Variants in IL1A observed in about 807,000 individuals in gnomAD.
IL1A encodes interleukin 1 alpha, also known as interleukin-1 alpha.
Under a neutral mutation model 22.2 loss-of-function variants are expected in IL1A, and 16 were observed. The ratio of observed to expected loss-of-function variants is 0.72; its 90% CI spans 0.49 to 1.09. The LOEUF is 1.09. Among genes scored for constraint, IL1A ranks in the 50% least tolerant of loss-of-function variants. The pLI is 0.00. For synonymous variants in IL1A, 113 were observed against 118.5 expected (o/e 0.95, Z 0.30); for missense variants, 317 against 321.8 (o/e 0.99, Z 0.11).
intron 5 of IL1A, among the ~76,000 whole-genome samples, chr2:112,778,549 T>C (rs1339627226): frequency 6.6e-6 from 1 of 152,204 alleles, no homozygotes. Context: ...ACTTACAGAA[T>C]AATGTTTAAT....
chr2:112,774,942 A>G lies in IL1A; in HGVS notation c.*125T>C. 4 of 693,568 alleles carry G rather than the reference A, an allele frequency of 5.8e-6. No individual in the cohort carries two copies. Among genetic ancestry groups the G allele is most frequent in the Non-Finnish European group, 1.0e-5 (4 of 401,766 alleles). The allele number at this position is 693,568 out of a possible 1,614,324, so 43.0% of individuals were successfully genotyped here. Reference sequence around the variant, plus strand: ...ACTCTTACAAAGAGTGTAAACATTCATTTAGAATTACAAGGCTCAGTACAT... The same window carrying G: ...ACTCTTACAAAGAGTGTAAACATTCGTTTAGAATTACAAGGCTCAGTACAT... On this transcript the variant is annotated 3_prime_UTR_variant, in exon 7 of 7. Transcript: ENST00000263339.
At chr2:112,776,210 A>G (rs1445444128) in intron 6 of IL1A, among the ~76,000 whole-genome samples, 4 of 152,192 alleles carry the variant, frequency 2.6e-5, no homozygotes. Flanking sequence ...TTTAGGAAAT[A>G]TAAGTGAGGT....
chr2:112,774,798 A>G lies in IL1A; in HGVS notation c.*269T>C, dbSNP rs1446065274. 4 of 314,656 alleles carry G rather than the reference A, an allele frequency of 1.3e-5. No individual in the cohort carries two copies. The highest frequency in any genetic ancestry group is 1.2e-4 in the East Asian group (2 of 17,264). 19.5% of individuals were successfully genotyped at this position (314,656 alleles called of 1,614,324 possible). A position where few individuals can be genotyped will look rare whatever the true frequency, so the allele number is the denominator to read the frequency against. The stretch of plus-strand genomic sequence containing the variant: ...TATGGGTAGAGTCTTTTTGGTAGCC[A>G]TAGTCAGTAGCTCTGGTCCTCCTAA... On this transcript the variant is annotated 3_prime_UTR_variant, in exon 7 of 7. Coordinates refer to ENST00000263339, the MANE Select transcript of IL1A (RefSeq NM_000575.5).
intron 2 of IL1A, 34 bp downstream of exon 2, chr2:112,783,690 C>A (rs773528399): frequency 6.3e-7 from 1 of 1,582,516 alleles, no homozygotes; most frequent in South Asian, 1.1e-5. Context: ...TTGAAACCCT[C>A]ATTAAATCAC....
At chr2:112,782,031 G>C (rs563489307) in intron 3 of IL1A, among the ~76,000 whole-genome samples, 8 of 152,072 alleles carry the variant, frequency 5.3e-5, no homozygotes, top group South Asian at 2.1e-4. Context: ...ATTTTTTTAG[G>C]AAGACTTTTT....
chr2:112,775,051 A>G lies in IL1A; in HGVS notation c.*16T>C, dbSNP rs769924142. On this transcript the variant is annotated 3_prime_UTR_variant, in exon 7 of 7. Coordinates refer to ENST00000263339, the MANE Select transcript of IL1A (RefSeq NM_000575.5). Reference sequence around the variant, plus strand: ...ACTGTCAACACTGCACAAGTGAGACAAGTGAGACTCCAGACCTACGCCTGG... The same window carrying G: ...ACTGTCAACACTGCACAAGTGAGACGAGTGAGACTCCAGACCTACGCCTGG... The G allele has an allele frequency of 3.1e-6, 5 of 1,605,512 alleles. No homozygotes were observed. In the South Asian group the frequency reaches 5.5e-5, roughly 18 times the overall value.
chr2:112,778,068 A>T lies in IL1A; in HGVS notation c.534T>A (p.Ala178=), dbSNP rs375126259. 9 of 1,613,906 alleles carry T rather than the reference A, an allele frequency of 5.6e-6. No individual in the cohort carries two copies. The African/African-American group carries it at 1.2e-4, about 22-fold the overall frequency. ...MGAYKSSKDD[A]KITVILRISK... ...AGATTCTTAGAATCACGGTAATTTT[A>T]GCATCATCCTTTGATGACTTATAAG... Residue 178 remains alanine (A), a synonymous_variant, in exon 6 of 7, where the codon GCT becomes GCA. Transcript: ENST00000263339.
At chr2:112,782,600 C>T (rs1894399) in intron 3 of IL1A, 116 bp downstream of exon 3, 214,754 of 727,972 alleles carry the variant, frequency 0.3, 32,878 homozygotes, top group African/African-American at 0.39. Flanking sequence ...GGTCTCTGGA[C>T]CTCTAGTGAG....
chr2:112,781,694 T>G lies in IL1A; in HGVS notation c.229A>C (p.Asn77His). Residue 77 changes from asparagine (N) to histidine (H), a missense_variant, in exon 4 of 7, where the codon AAC becomes CAC. Transcript: ENST00000263339. ...CGTCTCTTCTTCAGAACCTTCCCGT[T>G]GGTTGCTACTACCACCATGCTCTCC... ...FKESMVVVATNGKVLKKRRLS... is the reference protein window; with the variant it reads ...FKESMVVVATHGKVLKKRRLS... 1 of 1,614,242 alleles carries G rather than the reference T, an allele frequency of 6.2e-7. No individual in the cohort carries two copies.
intron 5 of IL1A, among the ~76,000 whole-genome samples, 159 bp downstream of exon 5, chr2:112,779,336 AT>A (rs1018333894): frequency 3.3e-5 from 5 of 151,738 alleles, no homozygotes; most frequent in Non-Finnish European, 7.4e-5. Context: ...CTGGCTTGGG[AT>A]TTTTATGGGG....
At chr2:112,780,773 C>CA (rs1484408953) in intron 4 of IL1A, among the ~76,000 whole-genome samples, 3 of 152,134 alleles carry the variant, frequency 2.0e-5, no homozygotes, top group Non-Finnish European at 4.4e-5. Context: ...CGCGGTGGCT[C>CA]ACGCCTGTAA....
At position 112,783,761 on chromosome 2, in the gene IL1A, C is replaced by A; in HGVS notation, c.10G>T (p.Val4Phe). 1 of 1,614,048 alleles carries A rather than the reference C, an allele frequency of 6.2e-7. No homozygotes were observed. The highest frequency in any genetic ancestry group is 8.5e-7 in the Non-Finnish European group (1 of 1,179,902). The part of the protein sequence containing the change: MAK[V>F]PDMFEDLKNC... ...TTCAGGTCTTCAAACATGTCTGGAA[C>A]TTTGGCCATCTTGACTTCTGCAACA... Residue 4 changes from valine (V) to phenylalanine (F), a missense_variant, in exon 2 of 7, where the codon GTT (valine) becomes TTT (phenylalanine). Physicochemically the swap from Val to Phe is conservative, Grantham distance 50 (BLOSUM62 -1). Coordinates refer to ENST00000263339, the MANE Select transcript of IL1A (RefSeq NM_000575.5).
chr2:112,774,979 G>T lies in IL1A; in HGVS notation c.*88C>A. 1 of 1,001,136 alleles carries T rather than the reference G, an allele frequency of 1.0e-6. No homozygotes were observed. The highest frequency in any genetic ancestry group is 1.6e-6 in the Non-Finnish European group (1 of 644,224). The allele number at this position is 1,001,136 out of a possible 1,614,324, so 62.0% of individuals were successfully genotyped here. A position where few individuals can be genotyped will look rare whatever the true frequency, so the allele number is the denominator to read the frequency against. ...AAGGCTCAGTACATGCTCAGCAAATGACTAACAGTAAAGGATTTAGCTTCT... is the reference window on the plus strand; with the variant it reads ...AAGGCTCAGTACATGCTCAGCAAATTACTAACAGTAAAGGATTTAGCTTCT... On this transcript the variant is annotated 3_prime_UTR_variant, in exon 7 of 7. Coordinates refer to ENST00000263339, the MANE Select transcript of IL1A (RefSeq NM_000575.5).
Position 112,775,104 on chromosome 2 carries a change from G to A in IL1A, c.779C>T (p.Ser260Phe). 2 of 1,614,168 alleles carry A rather than the reference G, an allele frequency of 1.2e-6. No individual in the cohort carries two copies. The highest frequency in any genetic ancestry group is 1.7e-6 in the Non-Finnish European group (2 of 1,179,988). ...TTCCAGTATCTGAAAGTCAGTGATA[G>A]AGGGTGGCCCCCCTGCCAAGCACAC... The part of the protein sequence containing the change: ...YWVCLAGGPP[S>F]ITDFQILENQ... Residue 260 changes from serine (S) to phenylalanine (F), a missense_variant, in exon 7 of 7, where the codon TCT becomes TTT. Coordinates refer to ENST00000263339, the MANE Select transcript of IL1A (RefSeq NM_000575.5).
chr2:112,782,550 A>G (rs1681230206), intron 3 of IL1A, among the ~76,000 whole-genome samples, 166 bp downstream of exon 3: 1 of 152,220 alleles, frequency 6.6e-6, no homozygotes, highest in Admixed American at 6.5e-5. Flanking sequence ...ATCAACTATT[A>G]GTTTAGAGAG....
intron 4 of IL1A, among the ~76,000 whole-genome samples, chr2:112,780,311 T>A (rs948673542): frequency 6.6e-6 from 1 of 152,222 alleles, no homozygotes; most frequent in African/African-American, 2.4e-5. Context: ...TGTTCACATG[T>A]AGGTATGTGT....
At chr2:112,783,543 T>G (rs1415106722) in intron 2 of IL1A, among the ~76,000 whole-genome samples, 181 bp downstream of exon 2, 1 of 152,216 alleles carries the variant, frequency 6.6e-6, no homozygotes, top group African/African-American at 2.4e-5. Flanking sequence ...TAATCTCAGT[T>G]TAACATGCTG....
In IL1A at chr2:112,775,029, G is replaced by C. The variant is rs1188071481; in HGVS notation, c.*38C>G. On this transcript the variant is annotated 3_prime_UTR_variant, in exon 7 of 7. Coordinates refer to ENST00000263339, the MANE Select transcript of IL1A (RefSeq NM_000575.5). ...TTCATGTACATGGTACATATGAACTGTCAACACTGCACAAGTGAGACAAGT... is the reference window on the plus strand; with the variant it reads ...TTCATGTACATGGTACATATGAACTCTCAACACTGCACAAGTGAGACAAGT... The C allele has an allele frequency of 2.0e-6, 3 of 1,531,368 alleles. No individual in the cohort carries two copies. The highest frequency in any genetic ancestry group is 1.7e-5 in the Admixed American group (1 of 59,760). The allele number at this position is 1,531,368 out of a possible 1,614,324, so 94.9% of individuals were successfully genotyped here.
At position 112,781,823 on chromosome 2, in the gene IL1A, A is replaced by T. The variant is rs770912871; in HGVS notation, c.100T>A (p.Ser34Thr). The change falls in exon 4 of 7, where the codon TCC becomes ACC. Residue 34 changes from serine to threonine, a missense_variant. Ser to Thr is a moderately conservative substitution (Grantham distance 58, BLOSUM62 1). Transcript: ENST00000263339. ...SIDHLSLNQKSFYHVSYGPLH... is the reference protein window; with the variant it reads ...SIDHLSLNQKTFYHVSYGPLH... ...GGGCCATAGCTTACATGATAGAAGG[A>T]TTTCTGTGAGGAAGGAAAACAGAAG... The T allele has an allele frequency of 1.2e-6, 2 of 1,611,432 alleles. No individual in the cohort carries two copies. Among genetic ancestry groups the T allele is most frequent in the South Asian group, 1.1e-5 (1 of 91,032 alleles).
Sources: gnomAD v4.1 joint callset for allele counts (sites outside exome capture counted in the v4.1 genomes callset) on GRCh38, gnomAD v4.1.1 for gene constraint, MANE v1.5 for transcripts, NCBI Gene and HGNC (gene_info 2026-07-23, HGNC 2026-07-21) for gene names.